Variants in IL1RAPL1 observed in about 807,000 individuals in gnomAD.
IL1RAPL1 encodes interleukin-1 receptor accessory protein-like 1.
Under a neutral mutation model 48.4 loss-of-function variants are expected in IL1RAPL1, and 3 were observed. That is an observed-to-expected ratio of 0.06 (90% confidence interval 0.03 to 0.16). The LOEUF is 0.16. Among genes scored for constraint, IL1RAPL1 ranks in the 10% least tolerant of loss-of-function variants. IL1RAPL1 has a pLI of 1.00. For missense variants in IL1RAPL1, 349 were observed against 530.6 expected (o/e 0.66, Z 3.36); for synonymous variants, 185 against 187.7 (o/e 0.99, Z 0.12).
chrX:28,959,105 A>G (rs1924696702), intron 2 of IL1RAPL1, among the ~76,000 whole-genome samples: 1 of 111,690 alleles, frequency 9.0e-6, no homozygotes, highest in African/African-American at 3.2e-5. Flanking sequence ...AAAAGTAAGG[A>G]CAAATAATTA....
At chrX:28,846,314 T>C (rs970898558) in intron 2 of IL1RAPL1, among the ~76,000 whole-genome samples, 1 of 112,261 alleles carries the variant, frequency 8.9e-6, no homozygotes, top group Non-Finnish European at 1.9e-5. Flanking sequence ...GGTTTATTTA[T>C]GTGTTCACCT....
chrX:29,741,642 T>G (rs1485682616), intron 6 of IL1RAPL1, among the ~76,000 whole-genome samples: 1 of 109,766 alleles, frequency 9.1e-6, no homozygotes, highest in Non-Finnish European at 1.9e-5. Context: ...ATATTTTGGC[T>G]GGGTGCGGTG....
At chrX:29,164,439 G>C (rs1929746541) in intron 2 of IL1RAPL1, among the ~76,000 whole-genome samples, 1 of 112,012 alleles carries the variant, frequency 8.9e-6, no homozygotes. Context: ...AAGTAGGCAA[G>C]TGAAAGAATG....
intron 6 of IL1RAPL1, among the ~76,000 whole-genome samples, chrX:29,825,808 T>C (rs1304619713): frequency 1.8e-5 from 2 of 111,985 alleles, no homozygotes; most frequent in Non-Finnish European, 3.8e-5. Flanking sequence ...CTATTATCCT[T>C]CTTAAGATTT....
intron 5 of IL1RAPL1, among the ~76,000 whole-genome samples, chrX:29,405,570 T>G (rs754679563): frequency 7.9e-4 from 79 of 100,495 alleles, no homozygotes; most frequent in Non-Finnish European, 1.4e-3. Context: ...GTTTCACCGT[T>G]TTAGCCGGGA....
chrX:28,627,029 G>A (rs1934347540), intron 1 of IL1RAPL1, among the ~76,000 whole-genome samples: 1 of 112,031 alleles, frequency 8.9e-6, no homozygotes, highest in South Asian at 3.7e-4. Flanking sequence ...TCTTAGCTTT[G>A]TGTCTTCCCA....
intron 6 of IL1RAPL1, among the ~76,000 whole-genome samples, chrX:29,772,464 G>T (rs1929092174): frequency 9.0e-6 from 1 of 110,811 alleles, no homozygotes. Flanking sequence ...GTGTATGTTT[G>T]TGTGCGTGGC....
chrX:28,815,886 A>AG (rs1936864252), intron 2 of IL1RAPL1, among the ~76,000 whole-genome samples: 6 of 21,973 alleles, frequency 2.7e-4, no homozygotes, highest in African/African-American at 7.8e-4. Context: ...TATATATATA[A>AG]TTTTTTTCTT....
intron 5 of IL1RAPL1, among the ~76,000 whole-genome samples, chrX:29,630,248 C>A (rs1188305882): frequency 9.0e-6 from 1 of 111,338 alleles, no homozygotes; most frequent in African/African-American, 3.3e-5. Flanking sequence ...TATGACCTAA[C>A]CACCTCCCGA....
At chrX:29,193,270 G>A (rs1451899310) in intron 2 of IL1RAPL1, among the ~76,000 whole-genome samples, 6 of 110,716 alleles carry the variant, frequency 5.4e-5, no homozygotes, top group African/African-American at 2.0e-4. Context: ...GAACAACCAA[G>A]CTACATTAGT....
intron 2 of IL1RAPL1, among the ~76,000 whole-genome samples, chrX:28,850,764 C>T (rs889091712): frequency 9.1e-6 from 1 of 109,864 alleles, no homozygotes; most frequent in Non-Finnish European, 1.9e-5. Context: ...CATGTTTGGG[C>T]CCCTTATTCG....
At chrX:28,933,922 A>C (rs747179410) in intron 2 of IL1RAPL1, among the ~76,000 whole-genome samples, 3 of 111,666 alleles carry the variant, frequency 2.7e-5, no homozygotes, top group African/African-American at 9.8e-5. Flanking sequence ...ATGGGAGTGT[A>C]TTTTAGCATG....
chrX:28,741,151 C>T (rs957959394), intron 1 of IL1RAPL1, among the ~76,000 whole-genome samples: 1 of 111,917 alleles, frequency 8.9e-6, no homozygotes, highest in African/African-American at 3.2e-5. Context: ...ATTTACATTC[C>T]TATCAGTAGT....
chrX:28,606,088 T>A (rs1934080361), intron 1 of IL1RAPL1, among the ~76,000 whole-genome samples: 1 of 111,996 alleles, frequency 8.9e-6, no homozygotes, highest in Admixed American at 9.6e-5. Flanking sequence ...TTTTTATAAG[T>A]TATTTATTAT....
chrX:29,499,583 A>G (rs1935250772), intron 5 of IL1RAPL1, among the ~76,000 whole-genome samples: 1 of 112,084 alleles, frequency 8.9e-6, no homozygotes, highest in African/African-American at 3.2e-5. Context: ...TAAAATACAA[A>G]TACATAGGTC....
chrX:28,642,941 T>C (rs1934563845), intron 1 of IL1RAPL1, among the ~76,000 whole-genome samples: 1 of 109,632 alleles, frequency 9.1e-6, no homozygotes, highest in East Asian at 2.9e-4. Flanking sequence ...CAGGCTGGAG[T>C]GCAGTGGTGT....
intron 8 of IL1RAPL1, among the ~76,000 whole-genome samples, chrX:29,929,845 G>T (rs1287176336): frequency 1.8e-5 from 2 of 111,464 alleles, no homozygotes; most frequent in Non-Finnish European, 3.8e-5. Flanking sequence ...TCAAGGTAAT[G>T]ACTCACAACT....
chrX:29,097,242 A>G (rs1928234552), intron 2 of IL1RAPL1, among the ~76,000 whole-genome samples: 1 of 112,118 alleles, frequency 8.9e-6, no homozygotes, highest in Admixed American at 9.5e-5. Context: ...AGGAATAGAA[A>G]ATCTATCAGG....
At chrX:29,420,642 T>C (rs891196946) in intron 5 of IL1RAPL1, among the ~76,000 whole-genome samples, 1 of 112,375 alleles carries the variant, frequency 8.9e-6, no homozygotes, top group African/African-American at 3.2e-5. Context: ...AGCCACGACT[T>C]TGTCTTCAGC....
Sources: gnomAD v4.1 joint callset for allele counts (sites outside exome capture counted in the v4.1 genomes callset) on GRCh38, gnomAD v4.1.1 for gene constraint, MANE v1.5 for transcripts, NCBI Gene and HGNC (gene_info 2026-07-23, HGNC 2026-07-21) for gene names.